The following ARID1B variants were observed in gnomAD, a reference collection of about 807,000 sequenced individuals.
The protein encoded by ARID1B is AT-rich interactive domain-containing protein 1B.
ARID1B carries 30 observed loss-of-function variants against 212.3 expected under a neutral mutation model. The observed-to-expected ratio is 0.14, with a 90% confidence interval of 0.11 to 0.19. The LOEUF (loss-of-function observed/expected upper bound fraction) is 0.19. ARID1B is among the 10% of genes least tolerant of loss of function. The pLI is 1.00. For missense variants in ARID1B, 2,891 were observed against 3,204.0 expected, an observed-to-expected ratio of 0.90 and a Z score of 2.36; for synonymous variants, 1,402 against 1,301.7, an observed-to-expected ratio of 1.08 and a Z score of -1.66.
In ARID1B at chr6:156,955,906, G is replaced by A. The variant is rs1793936456; in HGVS notation, c.2247+20330G>A. 6.6e-6 allele frequency among the ~76,000 whole-genome samples: 1 copy of A among 152,178 alleles called. No individual in the cohort carries two copies. The highest frequency in any genetic ancestry group is 1.5e-5 in the Non-Finnish European group (1 of 68,042). On this transcript the variant is annotated intron_variant, in intron 4 of 19. Coordinates refer to ENST00000636930, the MANE Select transcript of ARID1B (RefSeq NM_001374828.1). The surrounding 1 kb of genome is among the most constrained non-coding windows in gnomAD (Gnocchi z 4.2). Reference sequence around the variant, plus strand: ...AGGAAGGTTACTGGAGGCCGCTGGTGGTGGAAGCCGCGCCTGTTCTATTTC... The same window carrying A: ...AGGAAGGTTACTGGAGGCCGCTGGTAGTGGAAGCCGCGCCTGTTCTATTTC...
intron 2 of ARID1B, among the ~76,000 whole-genome samples, chr6:156,880,721 C>T (rs536217659): frequency 3.6e-4 from 42 of 115,484 alleles, no homozygotes; most frequent in South Asian, 2.0e-3. Context: ...GCCTGGGCCA[C>T]GGAGCGAGAC....
chr6:156,778,292 ACAGCAGCAGCAGCAG>A lies in ARID1B; in HGVS notation c.621_635del (p.Gln210_Gln214del), dbSNP rs587779744. The A allele has an allele frequency of 1.3e-5, 20 of 1,518,258 alleles. No homozygotes were observed. The Admixed American group carries it at 1.8e-4, about 14-fold the overall frequency. 94.0% of individuals were successfully genotyped at this position (1,518,258 alleles called of 1,614,324 possible). ...TCCAGCAGCAGCAGCAGCAGCAGCA[ACAGCAGCAGCAGCAG>A]CAGCAGCAACAGCAACATCCCATTT... On this transcript the variant is annotated inframe_deletion, in exon 1 of 20. Transcript: ENST00000636930.
rs1794711888 is a variant in ARID1B, at chr6:157,210,698, A to T, written c.*2807A>T. On this transcript the variant is annotated 3_prime_UTR_variant, in exon 20 of 20. Transcript: ENST00000636930. ...AATTTACAGGATGCCCAGACTTTAC[A>T]TGTGTACCAAAAAAAAAAAAAAGAT... The T allele has an allele frequency of 4.4e-6, 1 of 226,588 alleles. No homozygotes were observed. Among genetic ancestry groups the T allele is most frequent in the Non-Finnish European group, 8.6e-6 (1 of 116,122 alleles). 14.0% of individuals were successfully genotyped at this position (226,588 alleles called of 1,614,324 possible).
chr6:157,188,229 C>G (rs1793116070), intron 13 of ARID1B, among the ~76,000 whole-genome samples: 1 of 151,730 alleles, frequency 6.6e-6, no homozygotes, highest in South Asian at 2.1e-4. Context: ...TAAATAAAAA[C>G]TTTTTTAAAA....
intron 4 of ARID1B, among the ~76,000 whole-genome samples, chr6:157,045,223 G>T (rs1012758839): frequency 6.6e-6 from 1 of 152,180 alleles, no homozygotes; most frequent in Admixed American, 6.5e-5. Flanking sequence ...AGTGACATTT[G>T]TGATGGGTCA....
In ARID1B at chr6:157,132,927, C is replaced by T. The variant is rs942263945; in HGVS notation, c.2582-101C>T. Reference sequence around the variant, plus strand: ...TTTAGGAGAATCTTATGGTACCAGCCTTCTCCCCTGCCACCTGCCACATCA... The same window carrying T: ...TTTAGGAGAATCTTATGGTACCAGCTTTCTCCCCTGCCACCTGCCACATCA... On this transcript the variant is annotated intron_variant, in intron 6 of 19. Transcript: ENST00000636930. 31 of 1,275,146 alleles carry T rather than the reference C, an allele frequency of 2.4e-5. No homozygotes were observed. In the African/African-American group the frequency reaches 4.2e-4, roughly 17 times the overall value. 79.0% of individuals were successfully genotyped at this position (1,275,146 alleles called of 1,614,324 possible).
In ARID1B at chr6:156,778,826, G is replaced by C; in HGVS notation, c.1146G>C (p.Pro382=). ...CCAACAGCCAGTGCAACCATTATCC[G>C]GGCTACAGCCGGCCCGGCGCGGGCG... ...GYPNSQCNHY[P]GYSRPGAGGG... is the part of the protein sequence containing the mutation. The change falls in exon 1 of 20, where the codon CCG becomes CCC. Residue 382 remains proline, a synonymous_variant. Coordinates refer to ENST00000636930, the MANE Select transcript of ARID1B (RefSeq NM_001374828.1). The C allele has an allele frequency of 6.9e-7, 1 of 1,444,552 alleles. No individual in the cohort carries two copies. Among genetic ancestry groups the C allele is most frequent in the African/African-American group, 1.5e-5 (1 of 66,120 alleles). The allele number at this position is 1,444,552 out of a possible 1,614,324, so 89.5% of individuals were successfully genotyped here.
intron 1 of ARID1B, among the ~76,000 whole-genome samples, chr6:156,813,013 C>CACATACGTATGTATATACATATATATAT: frequency 7.2e-6 from 1 of 138,622 alleles, no homozygotes; most frequent in Non-Finnish European, 1.6e-5. Context: ...CATATATATA[C>CACATACGTATGTATATACATATATATAT]ACATACGTAT....
chr6:157,204,270 C>A, intron 19 of ARID1B: 1 of 266,794 alleles, frequency 3.7e-6, no homozygotes, highest in Non-Finnish European at 7.1e-6. Context: ...ACAGTAGTAA[C>A]ATTAAATTGT....
chr6:157,123,954 G>C (rs1787954626), intron 6 of ARID1B, among the ~76,000 whole-genome samples: 1 of 152,260 alleles, frequency 6.6e-6, no homozygotes, highest in African/African-American at 2.4e-5. Flanking sequence ...GGTCTGCAGA[G>C]CCCTCACTCC....
chr6:156,846,421 T>C (rs1233847525), intron 2 of ARID1B, among the ~76,000 whole-genome samples: 1 of 151,646 alleles, frequency 6.6e-6, no homozygotes, highest in African/African-American at 2.4e-5. Flanking sequence ...CGCCTCGGCC[T>C]CCCAAAGTGC....
chr6:156,782,778 G>C (rs1373517175), intron 1 of ARID1B, among the ~76,000 whole-genome samples: 1 of 152,142 alleles, frequency 6.6e-6, no homozygotes, highest in Non-Finnish European at 1.5e-5. Flanking sequence ...ATGGATGGCT[G>C]TGTATAGTTA....
Position 157,200,592 on chromosome 6 carries a change from A to G in ARID1B, c.4480-113A>G, listed in dbSNP as rs1371629459. 7 of 1,230,510 alleles carry G rather than the reference A, an allele frequency of 5.7e-6. No individual in the cohort carries two copies. In the Admixed American group the frequency reaches 1.3e-4, roughly 22 times the overall value. The allele number at this position is 1,230,510 out of a possible 1,614,324, so 76.2% of individuals were successfully genotyped here. ...TTCTCTGTTGTTATAGGAGCTTCCC[A>G]TATTCATTTTGAAATGAACATTCTA... On this transcript the variant is annotated intron_variant, in intron 17 of 19. Coordinates refer to ENST00000636930, the MANE Select transcript of ARID1B (RefSeq NM_001374828.1). This position sits in a 1 kb window ranked among gnomAD's most constrained non-coding sequence, Gnocchi z 4.3.
At chr6:156,922,173 C>CT (rs11386798) in intron 3 of ARID1B, among the ~76,000 whole-genome samples, 34,431 of 138,040 alleles carry the variant, frequency 0.25, 4,350 homozygotes, top group Non-Finnish European at 0.28. Context: ...ATAGGTTGCC[C>CT]TTTTTTTTTT....
chr6:157,136,662 G>C (rs974374594), intron 7 of ARID1B, among the ~76,000 whole-genome samples: 1 of 152,212 alleles, frequency 6.6e-6, no homozygotes, highest in African/African-American at 2.4e-5. Context: ...AGGAGTTCGA[G>C]ACCAGCCTGG....
At chr6:157,005,134 T>C (rs1562542703) in intron 4 of ARID1B, among the ~76,000 whole-genome samples, 2 of 60,960 alleles carry the variant, frequency 3.3e-5, no homozygotes, top group Non-Finnish European at 6.4e-5. Flanking sequence ...GGCTGTTTTT[T>C]GTTGTTGTTG....
intron 4 of ARID1B, among the ~76,000 whole-genome samples, chr6:156,988,755 T>G (rs1052611723): frequency 6.6e-6 from 1 of 152,180 alleles, no homozygotes; most frequent in Non-Finnish European, 1.5e-5. Flanking sequence ...TTCAGCATGT[T>G]GAGCCATCTG....
At chr6:157,163,670 T>TGA (rs1791106465) in intron 8 of ARID1B, among the ~76,000 whole-genome samples, 1 of 152,212 alleles carries the variant, frequency 6.6e-6, no homozygotes, top group Non-Finnish European at 1.5e-5. Context: ...GGAGCTGTTG[T>TGA]ATTCATGTCT....
intron 8 of ARID1B, chr6:157,150,649 G>T: frequency 5.8e-6 from 1 of 171,912 alleles, no homozygotes. Flanking sequence ...CCTATGTGTG[G>T]GGGTGACAGA....
Sources: gnomAD v4.1 joint callset for allele counts (sites outside exome capture counted in the v4.1 genomes callset) on GRCh38, gnomAD v4.1.1 for gene constraint, Gnocchi (gnomAD v3.1) non-coding constraint, MANE v1.5 for transcripts, NCBI Gene and HGNC (gene_info 2026-07-23, HGNC 2026-07-21) for gene names.